The following VAV3 variants were observed in gnomAD, a reference collection of about 807,000 sequenced individuals.
The protein encoded by VAV3 is guanine nucleotide exchange factor VAV3.
A neutral mutation model predicts 131.2 loss-of-function variants in VAV3; 94 were observed. That is an observed-to-expected ratio of 0.72 (90% CI 0.61 to 0.85). The LOEUF (loss-of-function observed/expected upper bound fraction) is 0.85, where lower values mean the gene tolerates loss of function less well. Ranked by LOEUF, VAV3 falls within the 40% of genes least tolerant of loss-of-function variation. VAV3 has a pLI of 0.00. For missense variants in VAV3, 939 were observed against 1,002.7 expected, an observed-to-expected ratio of 0.94 and a Z score of 0.86; for synonymous variants, 349 against 342.0, an observed-to-expected ratio of 1.02 and a Z score of -0.22.
At chr1:107,860,902 C>A (rs916675674) in intron 2 of VAV3, among the ~76,000 whole-genome samples, 1 of 151,558 alleles carries the variant, frequency 6.6e-6, no homozygotes, top group South Asian at 2.1e-4. Context: ...AAAAGACTTA[C>A]AGAAACATAA....
intron 15 of VAV3, among the ~76,000 whole-genome samples, chr1:107,714,294 A>C (rs1317620475): frequency 6.6e-6 from 1 of 152,136 alleles, no homozygotes; most frequent in Non-Finnish European, 1.5e-5. Flanking sequence ...TACCAATTAA[A>C]CATTAAAGAA....
intron 2 of VAV3, among the ~76,000 whole-genome samples, chr1:107,827,793 A>T (rs1251622132): frequency 6.6e-6 from 1 of 152,206 alleles, no homozygotes; most frequent in African/African-American, 2.4e-5. Context: ...TCTGTGAGTG[A>T]TTAAAATTTT....
At position 107,621,706 on chromosome 1, in the gene VAV3, T is replaced by C. The variant is rs116066240; in HGVS notation, c.1915-4074A>G. On this transcript the variant is annotated intron_variant, in intron 20 of 26. Transcript: ENST00000370056. ...ATCAGCTTGTCATCCCTTTTATGAG[T>C]ATTACAAATGCCAAAGATAGGGAAT... Among the ~76,000 whole-genome samples the C allele has an allele frequency of 5.0e-3, 756 of 152,246 alleles. 7 individuals carry two copies. Among genetic ancestry groups the C allele is most frequent in the African/African-American group, 0.017 (705 of 41,560 alleles).
At chr1:107,683,463 A>T (rs201380058) in intron 19 of VAV3, 25 bp downstream of exon 19, 4 of 1,613,522 alleles carry the variant, frequency 2.5e-6, no homozygotes, top group Non-Finnish European at 3.4e-6. Flanking sequence ...AGCCATAATT[A>T]TGGAAGGTTT....
chr1:107,725,469 G>A (rs551450281), intron 15 of VAV3, among the ~76,000 whole-genome samples: 16 of 152,220 alleles, frequency 1.1e-4, no homozygotes, highest in African/African-American at 3.9e-4. Flanking sequence ...AGCATTTACC[G>A]GCTTTTGACC....
chr1:107,934,643 T>C (rs1280945162), intron 1 of VAV3, among the ~76,000 whole-genome samples: 1 of 152,238 alleles, frequency 6.6e-6, no homozygotes, highest in East Asian at 1.9e-4. Flanking sequence ...TTAAAAACTG[T>C]ACCCTTCTTA....
intron 15 of VAV3, among the ~76,000 whole-genome samples, chr1:107,724,830 T>TG (rs1484668743): frequency 7.4e-5 from 11 of 147,804 alleles, no homozygotes; most frequent in South Asian, 2.2e-4. Flanking sequence ...CTGGATGTGG[T>TG]GGGGGGAAAA....
At chr1:107,887,148 G>A (rs145616180) in intron 1 of VAV3, among the ~76,000 whole-genome samples, 91 of 152,312 alleles carry the variant, frequency 6.0e-4, no homozygotes, top group African/African-American at 2.0e-3. Flanking sequence ...CCAAGCCCCA[G>A]GCTGCACCCT....
chr1:107,699,932 G>A (rs1265471557), intron 17 of VAV3, among the ~76,000 whole-genome samples: 1 of 152,166 alleles, frequency 6.6e-6, no homozygotes, highest in Non-Finnish European at 1.5e-5. Flanking sequence ...TGACTTGATA[G>A]GATTCTTGGT....
intron 1 of VAV3, among the ~76,000 whole-genome samples, chr1:107,932,011 T>C (rs1673460844): frequency 6.6e-6 from 1 of 152,204 alleles, no homozygotes; most frequent in African/African-American, 2.4e-5. Flanking sequence ...CCAACCAGCA[T>C]AGCACAACGA....
chr1:107,676,971 C>T (rs61798889), intron 19 of VAV3, among the ~76,000 whole-genome samples: 36,690 of 151,986 alleles, frequency 0.24, 5,475 homozygotes, highest in East Asian at 0.45. Context: ...GGAACTTCCA[C>T]GTTTCTAATA....
At chr1:107,849,339 C>G (rs1353702105) in intron 2 of VAV3, among the ~76,000 whole-genome samples, 1 of 151,558 alleles carries the variant, frequency 6.6e-6, no homozygotes, top group East Asian at 1.9e-4. Context: ...TACTACAAGG[C>G]TACAGTAACC....
intron 17 of VAV3, among the ~76,000 whole-genome samples, chr1:107,702,257 T>C (rs1446800439): frequency 6.6e-6 from 1 of 152,024 alleles, no homozygotes; most frequent in Non-Finnish European, 1.5e-5. Context: ...TATGAAACCA[T>C]CAGTTCTCAT....
At chr1:107,753,549 T>TATATGTATATATATATATAC (rs771773884) in intron 12 of VAV3, among the ~76,000 whole-genome samples, 14 of 82,070 alleles carry the variant, frequency 1.7e-4, no homozygotes, top group Middle Eastern at 5.8e-3. Flanking sequence ...TATATATATA[T>TATATGTATATATATATATAC]ACACACACAC....
chr1:107,876,841 C>A (rs572462019), intron 1 of VAV3, among the ~76,000 whole-genome samples: 17 of 152,138 alleles, frequency 1.1e-4, no homozygotes, highest in African/African-American at 3.9e-4. Context: ...TGGAAAAAAA[C>A]CTACTAACCA....
intron 1 of VAV3, among the ~76,000 whole-genome samples, chr1:107,918,486 A>T (rs1402614215): frequency 1.3e-5 from 2 of 152,032 alleles, no homozygotes; most frequent in Non-Finnish European, 2.9e-5. Flanking sequence ...CAATGAAGGT[A>T]GGGGAATGGG....
chr1:107,645,902 C>G (rs1194253084), intron 19 of VAV3, among the ~76,000 whole-genome samples: 1 of 152,058 alleles, frequency 6.6e-6, no homozygotes, highest in Non-Finnish European at 1.5e-5. Flanking sequence ...ACATTCACCA[C>G]ACATCCCCAT....
chr1:107,637,922 T>C (rs959713389), intron 20 of VAV3, among the ~76,000 whole-genome samples: 3 of 152,140 alleles, frequency 2.0e-5, no homozygotes, highest in Admixed American at 6.5e-5. Context: ...ATTTAACATA[T>C]GAAAGTCAAA....
intron 1 of VAV3, among the ~76,000 whole-genome samples, chr1:107,938,980 A>G (rs769661994): frequency 6.6e-6 from 1 of 152,168 alleles, no homozygotes; most frequent in Non-Finnish European, 1.5e-5. Flanking sequence ...GCTATATCCA[A>G]TCCAGCTGAT....
Sources: allele counts gnomAD v4.1 joint callset (sites outside exome capture counted in the v4.1 genomes callset), GRCh38; gene constraint gnomAD v4.1.1; transcripts MANE v1.5; gene names NCBI Gene and HGNC (gene_info 2026-07-23, HGNC 2026-07-21).